Variants in GRM8 observed in about 807,000 individuals in gnomAD.
The protein encoded by GRM8 is glutamate metabotropic receptor 8.
GRM8 carries 47 observed loss-of-function variants against 87.2 expected under a neutral mutation model. The ratio of observed to expected loss-of-function variants is 0.54; its 90% CI spans 0.43 to 0.69. The LOEUF is 0.69. Among genes scored for constraint, GRM8 ranks in the 30% least tolerant of loss-of-function variants. The pLI, the probability that GRM8 is intolerant of heterozygous loss-of-function variation, is 0.00. For synonymous variants in GRM8, 396 were observed against 404.5 expected, an observed-to-expected ratio of 0.98 and a Z score of 0.25; for missense variants, 1,019 against 1,139.2, an observed-to-expected ratio of 0.89 and a Z score of 1.52.
intron 2 of GRM8, among the ~76,000 whole-genome samples, chr7:127,126,675 A>G (rs1220997026): frequency 1.3e-5 from 2 of 152,012 alleles, no homozygotes; most frequent in Non-Finnish European, 2.9e-5. Context: ...AAATTTTCAC[A>G]AAATTGAGGT....
Position 126,726,413 on chromosome 7 carries a change from T to A in GRM8, c.1357+43452A>T, listed in dbSNP as rs141122155. 2.8e-3 allele frequency among the ~76,000 whole-genome samples: 424 copies of A among 152,232 alleles called. 6 individuals are homozygous for A. The highest frequency in any genetic ancestry group is 9.7e-3 in the African/African-American group (403 of 41,546). On this transcript the variant is annotated intron_variant, in intron 7 of 10. Transcript: ENST00000339582. The stretch of plus-strand genomic sequence containing the variant: ...TCACAAGCATGTGGATCCAGACTCC[T>A]AAGGGGTGATACACCTCTGTGCCTG...
chr7:126,896,769 T>C (rs1326235757), intron 6 of GRM8, among the ~76,000 whole-genome samples: 1 of 152,150 alleles, frequency 6.6e-6, no homozygotes, highest in Admixed American at 6.6e-5. Context: ...TAAGAATCAA[T>C]AGGCCATTTT....
intron 3 of GRM8, among the ~76,000 whole-genome samples, chr7:127,086,099 A>ATTGCT (rs149551811): frequency 0.012 from 1,807 of 152,068 alleles, 32 homozygotes; most frequent in African/African-American, 0.04. Context: ...TTTGTTTTTG[A>ATTGCT]TTGTTTTGTT....
At chr7:126,867,700 CA>C (rs1447354302) in intron 6 of GRM8, among the ~76,000 whole-genome samples, 1 of 151,856 alleles carries the variant, frequency 6.6e-6, no homozygotes, top group Non-Finnish European at 1.5e-5. Context: ...GTGAAAAAAG[CA>C]GAGGAAAGCC....
chr7:126,693,565 A>G (rs1333715239), intron 7 of GRM8, among the ~76,000 whole-genome samples: 1 of 152,168 alleles, frequency 6.6e-6, no homozygotes, highest in East Asian at 1.9e-4. Flanking sequence ...CAATCTATTG[A>G]CATTTATATA....
At chr7:126,701,877 T>G (rs1809970895) in intron 7 of GRM8, 1 of 718,996 alleles carries the variant, frequency 1.4e-6, no homozygotes, top group African/African-American at 1.8e-5. Flanking sequence ...AGTTAATGAC[T>G]ATATGCCTGG....
intron 3 of GRM8, among the ~76,000 whole-genome samples, chr7:127,013,548 G>A (rs1253540029): frequency 6.6e-6 from 1 of 151,932 alleles, no homozygotes; most frequent in Non-Finnish European, 1.5e-5. Context: ...GGGGGATGGG[G>A]GCAGTGGGCA....
At position 126,782,822 on chromosome 7, in the gene GRM8, A is replaced by G. The variant is rs572701153; in HGVS notation, c.1157-12757T>C. 3.3e-5 allele frequency among the ~76,000 whole-genome samples: 5 copies of G among 152,302 alleles called. No homozygotes were observed. In the East Asian group the frequency reaches 9.7e-4, roughly 29 times the overall value. On this transcript the variant is annotated intron_variant, in intron 6 of 10. Transcript: ENST00000339582. ...TTCTTGCCTCTGTACAATGCAGTCA[A>G]TCCTCTGGATGACTGACTAGGTCTT...
chr7:126,561,662 C>T (rs1793714755), intron 8 of GRM8, among the ~76,000 whole-genome samples: 1 of 151,396 alleles, frequency 6.6e-6, no homozygotes, highest in African/African-American at 2.4e-5. Context: ...TTTTAGGGTA[C>T]ATGTGCACAA....
At chr7:126,443,692 C>T (rs1246810860) in intron 10 of GRM8, among the ~76,000 whole-genome samples, 5 of 151,892 alleles carry the variant, frequency 3.3e-5, no homozygotes, top group Admixed American at 6.6e-5. Context: ...ACCTTCTAAA[C>T]GTGAGCATCT....
At chr7:126,931,137 A>T (rs1248727433) in intron 3 of GRM8, among the ~76,000 whole-genome samples, 1 of 152,246 alleles carries the variant, frequency 6.6e-6, no homozygotes, top group Non-Finnish European at 1.5e-5. Context: ...GATGATTTTT[A>T]AAATAATTTT....
At chr7:126,828,883 G>C (rs1795078390) in intron 6 of GRM8, among the ~76,000 whole-genome samples, 1 of 152,128 alleles carries the variant, frequency 6.6e-6, no homozygotes, top group African/African-American at 2.4e-5. Flanking sequence ...ATGTGTCCCA[G>C]AGATTCTGGT....
intron 6 of GRM8, among the ~76,000 whole-genome samples, chr7:126,817,508 T>C (rs1793903416): frequency 6.6e-6 from 1 of 152,164 alleles, no homozygotes; most frequent in Non-Finnish European, 1.5e-5. Context: ...TGAGGGGTGA[T>C]GAGTTCTTGC....
chr7:126,476,929 C>G (rs1211537037), intron 9 of GRM8, among the ~76,000 whole-genome samples: 1 of 152,016 alleles, frequency 6.6e-6, no homozygotes, highest in Non-Finnish European at 1.5e-5. Context: ...AAGGAGATAT[C>G]TGCACTTCCA....
intron 7 of GRM8, among the ~76,000 whole-genome samples, chr7:126,616,543 G>A (rs1351247264): frequency 2.0e-5 from 3 of 151,678 alleles, no homozygotes; most frequent in Non-Finnish European, 4.4e-5. Context: ...AACTGAAGGA[G>A]ATAGAGACAC....
intron 2 of GRM8, among the ~76,000 whole-genome samples, chr7:127,235,180 A>C (rs1797911983): frequency 6.6e-6 from 1 of 152,214 alleles, no homozygotes. Context: ...ATTTATCACT[A>C]AAAGCACGCT....
chr7:126,701,708 A>G lies in GRM8; in HGVS notation c.1357+68157T>C, dbSNP rs892502034. ...ATTTTTTTTTAGTTTTAGAAATCCT[A>G]CAAGAAGTATAAAACTATTGTTATA... On this transcript the variant is annotated intron_variant, in intron 7 of 10. Coordinates refer to ENST00000339582, the MANE Select transcript of GRM8 (RefSeq NM_000845.3). The G allele has an allele frequency of 2.0e-5, 12 of 604,714 alleles. No individual in the cohort carries two copies. In the African/African-American group the frequency reaches 2.3e-4, roughly 12 times the overall value. The allele number at this position is 604,714 out of a possible 1,614,324, so 37.5% of individuals were successfully genotyped here. A position where few individuals can be genotyped will look rare whatever the true frequency, so the allele number is the denominator to read the frequency against.
intron 7 of GRM8, among the ~76,000 whole-genome samples, chr7:126,662,382 A>T (rs1805277230): frequency 6.6e-6 from 1 of 152,250 alleles, no homozygotes; most frequent in Non-Finnish European, 1.5e-5. Context: ...TCAGATGAAT[A>T]GAAGCCAGGA....
At chr7:127,131,289 A>G (rs1305653868) in intron 2 of GRM8, among the ~76,000 whole-genome samples, 1 of 152,228 alleles carries the variant, frequency 6.6e-6, no homozygotes, top group Non-Finnish European at 1.5e-5. Flanking sequence ...ATCCAGAGTT[A>G]TAGAAAGTCA....
Sources: allele counts gnomAD v4.1 joint callset (sites outside exome capture counted in the v4.1 genomes callset), GRCh38; gene constraint gnomAD v4.1.1; transcripts MANE v1.5; gene names NCBI Gene and HGNC (gene_info 2026-07-23, HGNC 2026-07-21).